The following TLL1 variants were observed in gnomAD, a reference collection of about 807,000 sequenced individuals.
TLL1 encodes the protein tolloid like 1.
In TLL1, 49 loss-of-function variants were observed where a neutral mutation model predicts 128.2. The ratio of observed to expected loss-of-function variants is 0.38; its 90% confidence interval spans 0.30 to 0.48. TLL1 has a LOEUF of 0.48. Among genes scored for constraint, TLL1 ranks in the 20% least tolerant of loss-of-function variants. TLL1 has a pLI of 0.96. For missense variants in TLL1, 1,123 were observed against 1,242.0 expected, an observed-to-expected ratio of 0.90 and a Z score of 1.44; for synonymous variants, 454 against 418.8, an observed-to-expected ratio of 1.08 and a Z score of -1.03.
chr4:166,064,836 AG>A (rs1740498178), intron 15 of TLL1, among the ~76,000 whole-genome samples: 1 of 152,106 alleles, frequency 6.6e-6, no homozygotes, highest in Admixed American at 6.6e-5. Flanking sequence ...CCTATTTAGT[AG>A]CAGAAGAACC....
intron 1 of TLL1, among the ~76,000 whole-genome samples, chr4:165,874,588 G>T (rs553837223): frequency 6.6e-6 from 1 of 152,302 alleles, no homozygotes; most frequent in Admixed American, 6.5e-5. Context: ...TTTCAAGTGT[G>T]GGTTCCAGGC....
At chr4:165,981,324 G>T (rs531971078) in intron 1 of TLL1, among the ~76,000 whole-genome samples, 11 of 151,980 alleles carry the variant, frequency 7.2e-5, no homozygotes, top group Non-Finnish European at 1.5e-4. Flanking sequence ...TGGATTTTTT[G>T]TTTGTTTTCC....
intron 9 of TLL1, among the ~76,000 whole-genome samples, chr4:166,031,167 C>T (rs760146427): frequency 3.3e-5 from 5 of 151,916 alleles, no homozygotes; most frequent in South Asian, 4.1e-4. Flanking sequence ...GTATCTTAAA[C>T]GTATTATAAA....
intron 15 of TLL1, among the ~76,000 whole-genome samples, chr4:166,065,001 A>G (rs192681399): frequency 1.3e-5 from 2 of 152,254 alleles, no homozygotes. Context: ...TTGGAAAAGT[A>G]TATTATGGAA....
intron 1 of TLL1, among the ~76,000 whole-genome samples, chr4:165,980,870 A>G (rs1736119475): frequency 6.6e-6 from 1 of 152,120 alleles, no homozygotes; most frequent in Non-Finnish European, 1.5e-5. Flanking sequence ...TATAATGATA[A>G]TTAAATTGTC....
rs1473386413 is a variant in TLL1 at position 166,086,275 on chromosome 4, C to T, written c.2443-4853C>T. ...TTATAGATTTTTATCGAGACTTAGG[C>T]ATTATAATGCAGTTATTACCTTTTA... On this transcript the variant is annotated intron_variant, in intron 18 of 20. Transcript: ENST00000061240. Among the ~76,000 whole-genome samples the T allele has an allele frequency of 2.0e-5, 3 of 152,148 alleles. No homozygotes were observed. In the East Asian group the frequency reaches 5.8e-4, roughly 29 times the overall value.
chr4:166,077,981 A>G lies in TLL1; in HGVS notation c.2393A>G (p.Lys798Arg). Reference protein sequence around the residue: ...PNWPDKYPSRKECTWEISATP... With the variant: ...PNWPDKYPSRRECTWEISATP... ...TGGCCAGACAAGTACCCAAGCAGGA[A>G]AGAATGCACTTGGGAAATCAGCGCC... is the stretch of plus-strand genomic sequence containing the variant. The change falls in exon 18 of 21, where the codon AAA becomes AGA. Residue 798 changes from lysine (K) to arginine (R), a missense_variant. By Grantham distance (26) the Lys-to-Arg change is conservative (BLOSUM62 2). This residue lies in a region of TLL1 where 634 missense variants were observed against 672.4 expected (regional missense o/e 0.94). Coordinates refer to ENST00000061240, the MANE Select transcript of TLL1 (RefSeq NM_012464.5). 6.2e-7 allele frequency: 1 copy of G among 1,613,762 alleles called. No individual in the cohort carries two copies. The highest frequency in any genetic ancestry group is 8.5e-7 in the Non-Finnish European group (1 of 1,179,790).
At chr4:165,973,172 G>C (rs930353306) in intron 1 of TLL1, among the ~76,000 whole-genome samples, 1 of 152,098 alleles carries the variant, frequency 6.6e-6, no homozygotes, top group Admixed American at 6.5e-5. Context: ...GAAGTCCCAC[G>C]ATAGGCCATC....
intron 1 of TLL1, among the ~76,000 whole-genome samples, chr4:165,965,901 C>A (rs886743276): frequency 5.3e-5 from 8 of 152,114 alleles, no homozygotes; most frequent in African/African-American, 1.9e-4. Context: ...AAGGACTAGA[C>A]CGGGTGCAGT....
chr4:165,988,596 C>T (rs1358311566), intron 1 of TLL1, among the ~76,000 whole-genome samples: 2 of 152,046 alleles, frequency 1.3e-5, no homozygotes, highest in South Asian at 2.1e-4. Context: ...GATCGCACCA[C>T]TGCACTCCAG....
chr4:165,993,393 T>C (rs1736729173), intron 3 of TLL1, among the ~76,000 whole-genome samples: 1 of 152,024 alleles, frequency 6.6e-6, no homozygotes, highest in Non-Finnish European at 1.5e-5. Context: ...ATATTTACAG[T>C]ATTGAATGTA....
At chr4:166,099,228 C>T (rs1422338301) in intron 19 of TLL1, 49 bp from the exon 20 acceptor site, 1 of 1,612,238 alleles carries the variant, frequency 6.2e-7, no homozygotes, top group East Asian at 2.2e-5. Flanking sequence ...TAAATTGGAC[C>T]CGTTAAAGCT....
intron 1 of TLL1, among the ~76,000 whole-genome samples, chr4:165,953,272 G>T (rs1734613187): frequency 6.6e-6 from 1 of 151,984 alleles, no homozygotes; most frequent in Non-Finnish European, 1.5e-5. Context: ...TATTGTTGTT[G>T]TTCGGGTTGT....
At chr4:166,007,446 C>A (rs972990693) in intron 6 of TLL1, among the ~76,000 whole-genome samples, 1 of 151,564 alleles carries the variant, frequency 6.6e-6, no homozygotes, top group Admixed American at 6.6e-5. Flanking sequence ...GTGATGAAAT[C>A]GTGGAGCAAA....
rs376900647 is a variant in TLL1, at chr4:165,892,354, T to G, written c.169+18281T>G. Among the ~76,000 whole-genome samples the G allele has an allele frequency of 7.2e-5, 11 of 152,304 alleles. No homozygotes were observed. The East Asian group carries it at 1.4e-3, about 19-fold the overall frequency. On this transcript the variant is annotated intron_variant, in intron 1 of 20. Coordinates refer to ENST00000061240, the MANE Select transcript of TLL1 (RefSeq NM_012464.5). ...CCTCAAAGGAAATCTTATGCTTCAATTTATGGCAATGTACCTTTTAAAGGA... is the reference window on the plus strand; with the variant it reads ...CCTCAAAGGAAATCTTATGCTTCAAGTTATGGCAATGTACCTTTTAAAGGA...
chr4:166,099,592 A>T, intron 20 of TLL1, 65 bp downstream of exon 20: 1 of 1,454,940 alleles, frequency 6.9e-7, no homozygotes, highest in Non-Finnish European at 9.5e-7. Flanking sequence ...CATGATTGAT[A>T]TGTGTACCAT....
intron 1 of TLL1, among the ~76,000 whole-genome samples, chr4:165,939,654 G>A (rs1156771528): frequency 6.6e-6 from 1 of 151,956 alleles, no homozygotes; most frequent in African/African-American, 2.4e-5. Context: ...ATTACTGTAA[G>A]ATTCATTCTT....
At chr4:166,087,669 G>A (rs879804994) in intron 18 of TLL1, among the ~76,000 whole-genome samples, 17 of 152,072 alleles carry the variant, frequency 1.1e-4, no homozygotes, top group Non-Finnish European at 1.5e-4. Context: ...GTGAATATAT[G>A]CAGTTACTCT....
intron 15 of TLL1, among the ~76,000 whole-genome samples, chr4:166,065,187 A>G (rs1223891504): frequency 2.0e-5 from 3 of 152,112 alleles, no homozygotes; most frequent in African/African-American, 4.8e-5. Context: ...TCCTGCAGCA[A>G]CCCTACAGAG....
Sources: gnomAD v4.1 joint callset for allele counts (sites outside exome capture counted in the v4.1 genomes callset) on GRCh38, gnomAD v4.1.1 for gene constraint, gnomAD v4.1.1 regional missense constraint, MANE v1.5 for transcripts, NCBI Gene and HGNC (gene_info 2026-07-23, HGNC 2026-07-21) for gene names.